Variants in RGS7BP observed in about 807,000 individuals in gnomAD.
RGS7BP encodes the protein regulator of G protein signaling 7-binding protein.
Under a neutral mutation model 31.3 loss-of-function variants are expected in RGS7BP, and 9 were observed. That is an observed-to-expected ratio of 0.29 (90% CI 0.17 to 0.50). RGS7BP has a LOEUF of 0.50. Among genes scored for constraint, RGS7BP ranks in the 20% least tolerant of loss-of-function variants. RGS7BP has a pLI of 0.98. For synonymous variants in RGS7BP, 115 were observed against 120.1 expected, an observed-to-expected ratio of 0.96 and a Z score of 0.28; for missense variants, 274 against 322.0, an observed-to-expected ratio of 0.85 and a Z score of 1.14.
At chr5:64,581,700 TCTAA>T (rs947264389) in intron 3 of RGS7BP, among the ~76,000 whole-genome samples, 5 of 152,230 alleles carry the variant, frequency 3.3e-5, no homozygotes, top group South Asian at 2.1e-4. Context: ...TTAAGCAACT[TCTAA>T]CTGTCTTTCT....
At chr5:64,593,127 G>A (rs1420711662) in intron 3 of RGS7BP, among the ~76,000 whole-genome samples, 2 of 152,178 alleles carry the variant, frequency 1.3e-5, no homozygotes, top group Non-Finnish European at 1.5e-5. Flanking sequence ...AAAGTACACA[G>A]GAAAGGATCA....
In RGS7BP at chr5:64,506,727, C is replaced by G; in HGVS notation, c.103C>G (p.Arg35Gly). 6.2e-7 allele frequency: 1 copy of G among 1,608,166 alleles called. No individual in the cohort carries two copies. The highest frequency in any genetic ancestry group is 8.5e-7 in the Non-Finnish European group (1 of 1,175,232). ...CCCGCTGCAGAGCGGAGATTGGGAG[C>G]GCAGGGGCAGCGGCTCCGAGAGCGC... ...KPPLQSGDWERRGSGSESAHK... is the reference protein window; with the variant it reads ...KPPLQSGDWEGRGSGSESAHK... Residue 35 changes from arginine (R) to glycine (G), a missense_variant, in exon 1 of 6, where the codon CGC becomes GGC. Transcript: ENST00000334025. This position sits in a 1 kb window ranked among gnomAD's most constrained non-coding sequence, Gnocchi z 4.6.
intron 2 of RGS7BP, among the ~76,000 whole-genome samples, chr5:64,547,380 C>T (rs994269768): frequency 3.9e-5 from 6 of 152,182 alleles, no homozygotes; most frequent in African/African-American, 1.4e-4. Context: ...CTCACCAAAG[C>T]TTGGTGTTGT....
Position 64,598,661 on chromosome 5 carries a change from T to C in RGS7BP, c.682+226T>C, listed in dbSNP as rs6898818. Among the ~76,000 whole-genome samples the C allele has an allele frequency of 8.5e-3, 1,293 of 152,174 alleles. 18 individuals carry two copies. Among genetic ancestry groups the C allele is most frequent in the African/African-American group, 0.029 (1,216 of 41,508 alleles). On this transcript the variant is annotated intron_variant, in intron 5 of 5. Transcript: ENST00000334025. The stretch of plus-strand genomic sequence containing the variant: ...CATTATGACCTTAAAACGAACTCCT[T>C]CTCCACTGGCCCTATTACTCACTGT...
At chr5:64,515,226 G>C (rs576129968) in intron 2 of RGS7BP, among the ~76,000 whole-genome samples, 2 of 152,222 alleles carry the variant, frequency 1.3e-5, no homozygotes, top group South Asian at 4.1e-4. Context: ...AGAATTGAGA[G>C]ATTCGATTAG....
At chr5:64,602,444 G>A (rs1743243140) in intron 5 of RGS7BP, among the ~76,000 whole-genome samples, 1 of 152,188 alleles carries the variant, frequency 6.6e-6, no homozygotes, top group South Asian at 2.1e-4. Context: ...AATGTGAAAT[G>A]TCTACTCACT....
intron 2 of RGS7BP, among the ~76,000 whole-genome samples, chr5:64,531,000 G>T (rs1206555974): frequency 6.6e-6 from 1 of 152,154 alleles, no homozygotes; most frequent in Admixed American, 6.5e-5. Context: ...TGCCCTAAAT[G>T]AATCCTAATT....
At chr5:64,530,520 C>A (rs1237321004) in intron 2 of RGS7BP, among the ~76,000 whole-genome samples, 1 of 152,174 alleles carries the variant, frequency 6.6e-6, no homozygotes, top group Admixed American at 6.5e-5. Flanking sequence ...AAGTGTCTTG[C>A]TCAAGGTCAC....
At chr5:64,604,442 A>G (rs937502053) in intron 5 of RGS7BP, among the ~76,000 whole-genome samples, 3 of 152,080 alleles carry the variant, frequency 2.0e-5, no homozygotes, top group Admixed American at 1.3e-4. Flanking sequence ...GCCAGGGACT[A>G]TCTTTCTATT....
intron 3 of RGS7BP, among the ~76,000 whole-genome samples, chr5:64,593,753 C>A (rs1304435591): frequency 5.9e-5 from 9 of 152,220 alleles, no homozygotes; most frequent in Non-Finnish European, 8.8e-5. Context: ...AGCTGACACT[C>A]AAGATATATT....
chr5:64,611,247 G>T lies in RGS7BP; in HGVS notation c.*1995G>T, dbSNP rs1335240924. Reference sequence around the variant, plus strand: ...CCATTGTTTTTGAAATTTTGAAGTAGCCCAGTTTGGCAGCTCTCAGCACCT... The same window carrying T: ...CCATTGTTTTTGAAATTTTGAAGTATCCCAGTTTGGCAGCTCTCAGCACCT... On this transcript the variant is annotated 3_prime_UTR_variant, in exon 6 of 6. Coordinates refer to ENST00000334025, the MANE Select transcript of RGS7BP (RefSeq NM_001029875.3). 1 of 151,886 alleles carries T rather than the reference G, an allele frequency of 6.6e-6. No homozygotes were observed. Among genetic ancestry groups the T allele is most frequent in the African/African-American group, 2.4e-5 (1 of 41,348 alleles). The allele number at this position is 151,886 out of a possible 1,614,324, so 9.4% of individuals were successfully genotyped here. A position where few individuals can be genotyped will look rare whatever the true frequency, so the allele number is the denominator to read the frequency against.
chr5:64,549,857 C>A (rs1269830759), intron 2 of RGS7BP, among the ~76,000 whole-genome samples: 1 of 152,168 alleles, frequency 6.6e-6, no homozygotes, highest in Non-Finnish European at 1.5e-5. Flanking sequence ...CATCTCTCTT[C>A]TTTTACATTT....
In RGS7BP at chr5:64,587,821, T is replaced by G. The variant is rs533598546; in HGVS notation, c.464-6889T>G. ...AGGGTACCCAGGTACCCATTGGAGA[T>G]GGCAAACTCTCACACCTAGAAGAAA... On this transcript the variant is annotated intron_variant, in intron 3 of 5. Coordinates refer to ENST00000334025, the MANE Select transcript of RGS7BP (RefSeq NM_001029875.3). Among the ~76,000 whole-genome samples the G allele has an allele frequency of 5.8e-4, 88 of 152,320 alleles. 1 individual carries two copies. Among genetic ancestry groups the G allele is most frequent in the African/African-American group, 2.1e-3 (86 of 41,566 alleles).
intron 5 of RGS7BP, 116 bp downstream of exon 5, chr5:64,598,551 T>C: frequency 1.4e-6 from 1 of 724,342 alleles, no homozygotes; most frequent in Non-Finnish European, 2.5e-6. Context: ...GCATTGAGCA[T>C]TCATTAGTCT....
intron 2 of RGS7BP, among the ~76,000 whole-genome samples, chr5:64,522,860 A>G (rs1381866801): frequency 6.6e-6 from 1 of 152,196 alleles, no homozygotes; most frequent in Non-Finnish European, 1.5e-5. Context: ...TCTTTCCAAA[A>G]GATATATGTG....
At chr5:64,552,961 T>A (rs1422466934) in intron 2 of RGS7BP, among the ~76,000 whole-genome samples, 1 of 152,202 alleles carries the variant, frequency 6.6e-6, no homozygotes, top group Non-Finnish European at 1.5e-5. Flanking sequence ...CGGACTTACT[T>A]CTTTTCTTCC....
intron 2 of RGS7BP, among the ~76,000 whole-genome samples, chr5:64,518,135 A>G (rs1749020516): frequency 6.6e-6 from 1 of 152,190 alleles, no homozygotes; most frequent in Non-Finnish European, 1.5e-5. Context: ...CATATAAACA[A>G]TGTTATACAT....
At chr5:64,518,501 T>C (rs1261680481) in intron 2 of RGS7BP, among the ~76,000 whole-genome samples, 1 of 152,132 alleles carries the variant, frequency 6.6e-6, no homozygotes, top group Non-Finnish European at 1.5e-5. Context: ...TATCTTCTGA[T>C]AGGGTGGTCA....
chr5:64,601,288 G>A (rs1743211082), intron 5 of RGS7BP: 1 of 167,794 alleles, frequency 6.0e-6, no homozygotes, highest in African/African-American at 2.4e-5. Flanking sequence ...ACGTGAAAAT[G>A]CTGCCGACTG....
Sources: allele counts gnomAD v4.1 joint callset (sites outside exome capture counted in the v4.1 genomes callset), GRCh38; gene constraint gnomAD v4.1.1; non-coding constraint Gnocchi (gnomAD v3.1); transcripts MANE v1.5; gene names NCBI Gene and HGNC (gene_info 2026-07-23, HGNC 2026-07-21).